Variants in PRH1 observed in about 807,000 individuals in gnomAD.
PRH1 encodes salivary acidic proline-rich phosphoprotein 1/2.
In PRH1, 7 loss-of-function variants were observed where a neutral mutation model predicts 7.9. The ratio of observed to expected loss-of-function variants is 0.89; its 90% confidence interval spans 0.50 to 1.67. The LOEUF (loss-of-function observed/expected upper bound fraction) is 1.67, where lower values mean the gene tolerates loss of function less well. PRH1 is among the 40% of genes most tolerant of loss of function. The probability of loss-of-function intolerance (pLI) is 0.00; values close to 1 mark genes in which losing one functional copy is unlikely to be tolerated. For synonymous variants in PRH1, 45 were observed against 80.8 expected (o/e 0.56, Z 2.38); for missense variants, 109 against 223.6 (o/e 0.49, Z 3.27).
chr12:11,009,272 A>G (rs964549844), intron 1 of PRH1, among the ~76,000 whole-genome samples: 3 of 151,882 alleles, frequency 2.0e-5, no homozygotes, highest in African/African-American at 7.2e-5. Flanking sequence ...TCAGTTTGTT[A>G]TTTAGAATGT....
At chr12:11,134,202 C>T in intron 1 of PRH1, 1 of 1,613,574 alleles carries the variant, frequency 6.2e-7, no homozygotes, top group Non-Finnish European at 8.5e-7. Flanking sequence ...ACAAATATAA[C>T]CACTATTAGA....
At chr12:11,061,911 A>T (rs762164220) in intron 1 of PRH1, 1 of 1,566,874 alleles carries the variant, frequency 6.4e-7, no homozygotes, top group Non-Finnish European at 8.7e-7. Context: ...TCACCAGAAC[A>T]ACACTCTTAA....
At chr12:11,043,220 G>A (rs1451278519) in intron 1 of PRH1, among the ~76,000 whole-genome samples, 1 of 152,066 alleles carries the variant, frequency 6.6e-6, no homozygotes, top group African/African-American at 2.4e-5. Flanking sequence ...AATTAATGCT[G>A]AAAAAGCATT....
At chr12:11,041,498 A>G (rs1329090964) in intron 1 of PRH1, among the ~76,000 whole-genome samples, 1 of 152,174 alleles carries the variant, frequency 6.6e-6, no homozygotes, top group Non-Finnish European at 1.5e-5. Context: ...TATTAGAGCA[A>G]AGCAAAGAGA....
chr12:11,104,975 A>C (rs1945367691), intron 1 of PRH1, among the ~76,000 whole-genome samples: 1 of 151,744 alleles, frequency 6.6e-6, no homozygotes, highest in Non-Finnish European at 1.5e-5. Flanking sequence ...ACACTTATTA[A>C]TAATGCCTTA....
chr12:11,058,738 T>A (rs988438683), intron 1 of PRH1, among the ~76,000 whole-genome samples: 2 of 152,168 alleles, frequency 1.3e-5, no homozygotes, highest in Non-Finnish European at 2.9e-5. Context: ...CTGACAAGCC[T>A]GTGGGAGAGG....
chr12:10,994,816 AT>A (rs1317810579), intron 1 of PRH1, among the ~76,000 whole-genome samples: 1 of 152,192 alleles, frequency 6.6e-6, no homozygotes, highest in Non-Finnish European at 1.5e-5. Flanking sequence ...ATGAAATGTC[AT>A]TTTTGTTTAT....
rs758378821 is a variant in PRH1 at position 10,883,083 on chromosome 12, T to C, written c.78A>G (p.Glu26=). 8 of 1,613,398 alleles carry C rather than the reference T, an allele frequency of 5.0e-6. No individual in the cohort carries two copies. The South Asian group carries it at 8.8e-5, about 18-fold the overall frequency. ...AQDLNEDVSQ[E]DVPLVISDGG... ...TACCTGATATTACGAGGGGAACATC[T>C]TCCTGGCTGACATCTAGAAAAGAAG... Residue 26 remains glutamate (E), a synonymous_variant, in exon 2 of 4, where the codon GAA becomes GAG. Coordinates refer to ENST00000543626, the MANE Select transcript of PRH1 (RefSeq NM_001393989.1).
intron 1 of PRH1, chr12:11,030,243 AT>A (rs555026858): frequency 3.8e-5 from 41 of 1,086,882 alleles, no homozygotes; most frequent in African/African-American, 1.3e-4. Context: ...ACATATATAT[AT>A]TTTTTTTTCT....
At chr12:11,065,865 CT>C (rs1943786346) in intron 1 of PRH1, among the ~76,000 whole-genome samples, 1 of 152,162 alleles carries the variant, frequency 6.6e-6, no homozygotes, top group South Asian at 2.1e-4. Flanking sequence ...ATGTGAGTAG[CT>C]TTTTTTGGAT....
chr12:10,923,321 G>T (rs1017603887), intron 2 of PRH1, among the ~76,000 whole-genome samples: 1 of 151,270 alleles, frequency 6.6e-6, no homozygotes, highest in East Asian at 1.9e-4. Flanking sequence ...AGAGATGGGG[G>T]TTTCACCACA....
At chr12:11,018,271 C>T (rs567880638) in intron 1 of PRH1, among the ~76,000 whole-genome samples, 1 of 152,320 alleles carries the variant, frequency 6.6e-6, no homozygotes, top group East Asian at 1.9e-4. Flanking sequence ...AATGCAAGTG[C>T]AGAACATTAA....
intron 1 of PRH1, among the ~76,000 whole-genome samples, chr12:10,976,851 C>T (rs1020179348): frequency 1.3e-5 from 2 of 151,982 alleles, no homozygotes; most frequent in Non-Finnish European, 2.9e-5. Flanking sequence ...ATACAACCTC[C>T]AAGACTGAAC....
intron 1 of PRH1, among the ~76,000 whole-genome samples, chr12:11,131,571 A>C (rs1487603205): frequency 1.1e-4 from 2 of 18,914 alleles, no homozygotes; most frequent in Non-Finnish European, 6.6e-4. Flanking sequence ...TTCACAATAG[A>C]AAAAAATACA....
chr12:10,931,201 G>T, intron 2 of PRH1: 1 of 1,525,392 alleles, frequency 6.6e-7, no homozygotes, highest in South Asian at 1.3e-5. Context: ...CATTTCTCAT[G>T]AGTTTTGTTC....
In PRH1 at chr12:11,099,494, T is replaced by G. The variant is rs139913438; in HGVS notation, n.124-52306A>C. ...AGGGCAGATCACGAGGTCAAGAGAT[T>G]GAGACCATCCTGGCCAACATGGTGA... On this transcript the variant is annotated intron_variant and non_coding_transcript_variant, in intron 1 of 4. Coordinates refer to the PRH1 transcript ENST00000541977. Among the ~76,000 whole-genome samples, 386 of 152,156 alleles carry G rather than the reference T, an allele frequency of 2.5e-3. 4 individuals are homozygous for G. Among genetic ancestry groups the G allele is most frequent in the African/African-American group, 8.6e-3 (359 of 41,528 alleles).
intron 1 of PRH1, among the ~76,000 whole-genome samples, chr12:11,058,945 C>G (rs1232736108): frequency 1.3e-5 from 2 of 152,180 alleles, no homozygotes; most frequent in East Asian, 3.9e-4. Context: ...ATCTCCTATT[C>G]CCCTGGCCAG....
intron 2 of PRH1, among the ~76,000 whole-genome samples, chr12:10,962,834 A>T (rs1315229729): frequency 6.6e-6 from 1 of 152,192 alleles, no homozygotes; most frequent in African/African-American, 2.4e-5. Flanking sequence ...CAGTGGCGCG[A>T]TCTCGGCTCA....
chr12:11,145,555 T>C (rs1005260626), intron 1 of PRH1, among the ~76,000 whole-genome samples: 1 of 152,180 alleles, frequency 6.6e-6, no homozygotes, highest in Non-Finnish European at 1.5e-5. Flanking sequence ...TTAGAATTTC[T>C]CAAATTAAAT....
Sources: allele counts gnomAD v4.1 joint callset (sites outside exome capture counted in the v4.1 genomes callset), GRCh38; gene constraint gnomAD v4.1.1; transcripts MANE v1.5; gene names NCBI Gene and HGNC (gene_info 2026-07-23, HGNC 2026-07-21).